Variants in SCML4 observed in about 807,000 individuals in gnomAD.
SCML4 encodes sex comb on midleg-like protein 4.
SCML4 carries 34 observed loss-of-function variants against 41.1 expected under a neutral mutation model. The observed-to-expected ratio is 0.83, with a 90% confidence interval of 0.63 to 1.10. SCML4 has a LOEUF of 1.10. Ranked by LOEUF, SCML4 falls within the 50% of genes least tolerant of loss-of-function variation. The pLI is 0.00. For missense variants in SCML4, 522 were observed against 534.1 expected (o/e 0.98, Z 0.22); for synonymous variants, 214 against 220.9 (o/e 0.97, Z 0.28).
intron 4 of SCML4, chr6:107,745,474 A>C (rs1470740485): frequency 5.1e-6 from 1 of 196,352 alleles, no homozygotes; most frequent in Non-Finnish European, 1.0e-5. Context: ...TCTCATGATT[A>C]GACTAGGGTT....
At chr6:107,842,214 T>C in the SCML4 span, among the ~76,000 whole-genome samples, 1 of 152,190 alleles carries the variant, frequency 6.6e-6, no homozygotes, top group Non-Finnish European at 1.5e-5. Flanking sequence ...TTTCCAAATA[T>C]TTGGGAATTT....
intron 6 of SCML4, among the ~76,000 whole-genome samples, chr6:107,718,273 C>T (rs1025457571): frequency 7.2e-5 from 11 of 152,188 alleles, no homozygotes; most frequent in East Asian, 1.9e-4. Context: ...GTAAGTCTCA[C>T]GACATCTGAT....
At chr6:107,789,019 G>A (rs1174135452) in intron 1 of SCML4, among the ~76,000 whole-genome samples, 1 of 152,152 alleles carries the variant, frequency 6.6e-6, no homozygotes, top group Non-Finnish European at 1.5e-5. Context: ...GTCCTGATAG[G>A]CACAGTCCCA....
the SCML4 span, among the ~76,000 whole-genome samples, chr6:107,841,434 C>T: frequency 6.6e-6 from 1 of 152,340 alleles, no homozygotes; most frequent in East Asian, 1.9e-4. Flanking sequence ...AGACACTGTG[C>T]CAGCACGGGG....
At chr6:107,822,822 G>A (rs746902127) in intron 1 of SCML4, among the ~76,000 whole-genome samples, 1 of 151,986 alleles carries the variant, frequency 6.6e-6, no homozygotes, top group Admixed American at 6.5e-5. Flanking sequence ...AGACGATCAC[G>A]CAGTACCGAT....
intron 1 of SCML4, among the ~76,000 whole-genome samples, chr6:107,797,532 T>C (rs1299940107): frequency 6.6e-6 from 1 of 152,064 alleles, no homozygotes; most frequent in Non-Finnish European, 1.5e-5. Flanking sequence ...TTTTTGTACA[T>C]TCCTTTAGAT....
Position 107,718,247 on chromosome 6 carries a change from G to T in SCML4, c.973+2456C>A, listed in dbSNP as rs1395766040. Among the ~76,000 whole-genome samples the T allele has an allele frequency of 3.3e-5, 5 of 152,286 alleles. No homozygotes were observed. The South Asian group carries it at 8.3e-4, about 25-fold the overall frequency. On this transcript the variant is annotated intron_variant, in intron 6 of 7. Transcript: ENST00000369020. ...ATCATGGGTTTGGTTCCCCCATTCT[G>T]TTCCTGTGGTAGCCAGTAAGTCTCA...
At chr6:107,726,895 C>A (rs1339421542) in intron 5 of SCML4, among the ~76,000 whole-genome samples, 2 of 152,194 alleles carry the variant, frequency 1.3e-5, no homozygotes, top group Non-Finnish European at 2.9e-5. Flanking sequence ...AGCAATTATA[C>A]TCCTAGGTAT....
At chr6:107,733,004 C>T (rs1258339191) in intron 5 of SCML4, among the ~76,000 whole-genome samples, 1 of 152,190 alleles carries the variant, frequency 6.6e-6, no homozygotes, top group East Asian at 1.9e-4. Context: ...AGATGCTCTG[C>T]AAAGGGACCC....
At chr6:107,716,483 GC>G (rs1477010445) in intron 6 of SCML4, among the ~76,000 whole-genome samples, 9 of 152,184 alleles carry the variant, frequency 5.9e-5, no homozygotes, top group Admixed American at 3.3e-4. Flanking sequence ...AAACTGTCTG[GC>G]CCCCTTGAGT....
chr6:107,709,524 T>C (rs1284152572), intron 6 of SCML4, among the ~76,000 whole-genome samples: 1 of 152,196 alleles, frequency 6.6e-6, no homozygotes, highest in Non-Finnish European at 1.5e-5. Flanking sequence ...GGTACACTTG[T>C]TGTGACCGAC....
Position 107,771,920 on chromosome 6 carries a change from T to C in SCML4, c.156+252A>G, listed in dbSNP as rs192221814. Among the ~76,000 whole-genome samples the C allele has an allele frequency of 1.3e-3, 195 of 152,348 alleles. 5 individuals carry two copies. The South Asian group carries it at 0.039, about 31-fold the overall frequency. The stretch of plus-strand genomic sequence containing the variant: ...TGTGTTTAGCGATGACCCTAAAATC[T>C]ACTCACTCACAACTTTCCCCATCTG... On this transcript the variant is annotated intron_variant, in intron 2 of 7. Coordinates refer to ENST00000369020, the MANE Select transcript of SCML4 (RefSeq NM_198081.5).
the SCML4 span, among the ~76,000 whole-genome samples, chr6:107,835,565 C>T: frequency 1.3e-5 from 2 of 151,674 alleles, no homozygotes; most frequent in Non-Finnish European, 2.9e-5. Context: ...CATAGCGAGA[C>T]CTTGTCTCTA....
At chr6:107,822,099 G>C (rs550304842) in intron 1 of SCML4, among the ~76,000 whole-genome samples, 2 of 152,208 alleles carry the variant, frequency 1.3e-5, no homozygotes, top group East Asian at 3.9e-4. Context: ...AAACAGCAGA[G>C]ATGATTTTCT....
chr6:107,777,719 T>C (rs1206032748), intron 1 of SCML4, among the ~76,000 whole-genome samples: 1 of 151,354 alleles, frequency 6.6e-6, no homozygotes, highest in East Asian at 1.9e-4. Flanking sequence ...TGGACAGGAG[T>C]GTTTCACCAG....
intron 5 of SCML4, among the ~76,000 whole-genome samples, chr6:107,736,309 C>T (rs1471498845): frequency 1.3e-5 from 2 of 152,216 alleles, no homozygotes; most frequent in Admixed American, 6.5e-5. Context: ...GTACCACAAG[C>T]CCCTTGTGGA....
chr6:107,829,055 A>G (rs1271208751), upstream of SCML4, among the ~76,000 whole-genome samples: 2 of 152,226 alleles, frequency 1.3e-5, no homozygotes, highest in Non-Finnish European at 2.9e-5. Flanking sequence ...AATAATATCC[A>G]GGATCAAATT....
In SCML4 at chr6:107,746,675, G is replaced by T; in HGVS notation, c.487+14C>A. ...CATCCATGGCCTCCTCATGCAACCT[G>T]CCCCAGGCCTTACCTGACACCATCT... On this transcript the variant is annotated intron_variant, in intron 4 of 7. Coordinates refer to ENST00000369020, the MANE Select transcript of SCML4 (RefSeq NM_198081.5). 6.2e-7 allele frequency: 1 copy of T among 1,611,482 alleles called. No homozygotes were observed. The highest frequency in any genetic ancestry group is 8.5e-7 in the Non-Finnish European group (1 of 1,178,120).
At chr6:107,706,524 G>A (rs889780658) in intron 7 of SCML4, among the ~76,000 whole-genome samples, 9 of 152,232 alleles carry the variant, frequency 5.9e-5, no homozygotes, top group African/African-American at 1.9e-4. Flanking sequence ...GGTCACTGTG[G>A]AAGGCGGAAT....
Sources: allele counts gnomAD v4.1 joint callset (sites outside exome capture counted in the v4.1 genomes callset), GRCh38; gene constraint gnomAD v4.1.1; transcripts MANE v1.5; gene names NCBI Gene and HGNC (gene_info 2026-07-23, HGNC 2026-07-21).